The following ALG6 variants were observed in gnomAD, a reference collection of about 807,000 sequenced individuals.
The protein encoded by ALG6 is ALG6 alpha-1,3-glucosyltransferase, also known as dolichyl pyrophosphate Man9GlcNAc2 alpha-1,3-glucosyltransferase.
Under a neutral mutation model 66.6 loss-of-function variants are expected in ALG6, and 46 were observed. The ratio of observed to expected loss-of-function variants is 0.69; its 90% CI spans 0.55 to 0.88. The LOEUF (loss-of-function observed/expected upper bound fraction) is 0.88. ALG6 is among the 40% of genes least tolerant of loss of function. The pLI is 0.00. For missense variants in ALG6, 505 were observed against 586.8 expected, an observed-to-expected ratio of 0.86 and a Z score of 1.44; for synonymous variants, 185 against 203.7, an observed-to-expected ratio of 0.91 and a Z score of 0.78.
At chr1:63,368,241 C>T (rs533743665) in intron 1 of ALG6, among the ~76,000 whole-genome samples, 5 of 152,278 alleles carry the variant, frequency 3.3e-5, no homozygotes, top group African/African-American at 1.2e-4. Context: ...TCGCAAATAA[C>T]CCTTTTTCTG....
chr1:63,380,138 T>G (rs935011521), intron 2 of ALG6, among the ~76,000 whole-genome samples: 1 of 152,142 alleles, frequency 6.6e-6, no homozygotes, highest in Non-Finnish European at 1.5e-5. Context: ...GAGAGTTTGT[T>G]TTTCTAGAAG....
At chr1:63,393,067 A>T (rs890935914) in intron 2 of ALG6, among the ~76,000 whole-genome samples, 7 of 152,208 alleles carry the variant, frequency 4.6e-5, no homozygotes, top group African/African-American at 1.7e-4. Flanking sequence ...ATAGGAAATT[A>T]CTTAAGATTC....
intron 2 of ALG6, among the ~76,000 whole-genome samples, chr1:63,389,996 T>C (rs76065960): frequency 3.9e-5 from 6 of 152,354 alleles, no homozygotes; most frequent in Non-Finnish European, 2.9e-5. Flanking sequence ...AGTACCCGTG[T>C]GGCCATCACA....
At chr1:63,403,034 G>A (rs545782102) in intron 4 of ALG6, among the ~76,000 whole-genome samples, 147 of 135,510 alleles carry the variant, frequency 1.1e-3, no homozygotes, top group African/African-American at 3.9e-3. Flanking sequence ...GGTGGAGGTT[G>A]CAGTGAGCCG....
intron 1 of ALG6, among the ~76,000 whole-genome samples, 168 bp downstream of exon 1, chr1:63,367,855 T>G (rs1647776707): frequency 6.6e-6 from 1 of 151,864 alleles, no homozygotes; most frequent in Non-Finnish European, 1.5e-5. Flanking sequence ...CAGGGTCGCT[T>G]GTGGGTCGGG....
chr1:63,437,020 G>A lies in ALG6; in HGVS notation c.1524G>A (p.Ter508=). 6.2e-7 allele frequency: 1 copy of A among 1,611,544 alleles called. No homozygotes were observed. The highest frequency in any genetic ancestry group is 8.5e-7 in the Non-Finnish European group (1 of 1,178,494). ...GAAGAAATCAGAAGAAAATCAGCTA[G>A]CTGTATTCCTAAACAAATTGTTTCC... ...KSGRNQKKIS[*] The change falls in exon 15 of 15, where the codon TAG becomes TAA. Residue 508 remains the stop codon, a stop_retained_variant. Transcript: ENST00000263440.
At chr1:63,403,458 A>T (rs531095256) in intron 4 of ALG6, among the ~76,000 whole-genome samples, 113 of 152,284 alleles carry the variant, frequency 7.4e-4, no homozygotes, top group African/African-American at 2.7e-3. Context: ...TTTGGTAAAG[A>T]CCCAGTTCTA....
chr1:63,407,219 G>C, intron 7 of ALG6, 93 bp downstream of exon 7: 1 of 885,656 alleles, frequency 1.1e-6, no homozygotes, highest in Non-Finnish European at 1.9e-6. Flanking sequence ...TGTCTTATTT[G>C]ATAGAGTGCT....
rs1267416884 is a variant in ALG6 at position 63,422,273 on chromosome 1, A to ATATATTTATATAGATATAAATATC, written c.1058+2838_1058+2839insTTATATAGATATAAATATCTATAT. 6.2e-3 allele frequency among the ~76,000 whole-genome samples: 344 copies of ATATATTTATATAGATATAAATATC among 55,406 alleles called. 86 individuals carry two copies. Among genetic ancestry groups the ATATATTTATATAGATATAAATATC allele is most frequent in the Non-Finnish European group, 7.3e-3 (249 of 34,124 alleles). 36.3% of individuals were successfully genotyped at this position (55,406 alleles called of 152,430 possible). A position where few individuals can be genotyped will look rare whatever the true frequency, so the allele number is the denominator to read the frequency against. ...TATATATTTATATAGATATAAATAT[A>ATATATTTATATAGATATAAATATC]TATATAAATATATATATTTATATAG... On this transcript the variant is annotated intron_variant, in intron 12 of 14. Transcript: ENST00000263440.
chr1:63,370,703 G>T, intron 1 of ALG6, 68 bp from the exon 2 acceptor site: 3 of 405,616 alleles, frequency 7.4e-6, no homozygotes, highest in Non-Finnish European at 1.3e-5. Context: ...CTTCTACTTG[G>T]TTTACTGGGT....
chr1:63,403,481 A>G (rs1644475408), intron 4 of ALG6, among the ~76,000 whole-genome samples: 1 of 152,212 alleles, frequency 6.6e-6, no homozygotes, highest in Non-Finnish European at 1.5e-5. Flanking sequence ...CTGTAGTGGT[A>G]TTCCATCTTA....
At chr1:63,412,637 T>A (rs1164413528) in intron 9 of ALG6, among the ~76,000 whole-genome samples, 1 of 152,168 alleles carries the variant, frequency 6.6e-6, no homozygotes, top group Non-Finnish European at 1.5e-5. Context: ...TAATTTCTTA[T>A]GAGATATATA....
At chr1:63,368,441 A>C (rs1275312714) in intron 1 of ALG6, among the ~76,000 whole-genome samples, 2 of 152,058 alleles carry the variant, frequency 1.3e-5, no homozygotes, top group African/African-American at 4.8e-5. Context: ...CGACTAAGAC[A>C]GGAGGATCCC....
intron 12 of ALG6, among the ~76,000 whole-genome samples, chr1:63,422,224 T>TCG (rs1644582615): frequency 1.7e-5 from 1 of 57,708 alleles, no homozygotes; most frequent in South Asian, 5.6e-4. Context: ...TATATTTATA[T>TCG]AAATATAAAT....
At chr1:63,424,935 C>T (rs982463731) in intron 12 of ALG6, among the ~76,000 whole-genome samples, 1 of 151,950 alleles carries the variant, frequency 6.6e-6, no homozygotes, top group Non-Finnish European at 1.5e-5. Context: ...CCCGCCACAA[C>T]AGCTGGCTAA....
In ALG6 at chr1:63,400,243, ACG is replaced by A. The variant is rs1351999788; in HGVS notation, c.168-2010_168-2009del. Among the ~76,000 whole-genome samples, 112 of 12,142 alleles carry A rather than the reference ACG, an allele frequency of 9.2e-3. 8 individuals are homozygous for A. Among genetic ancestry groups the A allele is most frequent in the African/African-American group, 0.027 (47 of 1,726 alleles). 8.0% of individuals were successfully genotyped at this position (12,142 alleles called of 152,430 possible). A position where few individuals can be genotyped will look rare whatever the true frequency, so the allele number is the denominator to read the frequency against. ...TATACGTATATATATATATATATAT[ACG>A]TATATATATGTATATATATATACGT... On this transcript the variant is annotated intron_variant, in intron 3 of 14. Coordinates refer to ENST00000263440, the MANE Select transcript of ALG6 (RefSeq NM_013339.4).
chr1:63,422,058 T>C (rs1398902427), intron 12 of ALG6, among the ~76,000 whole-genome samples: 1 of 139,300 alleles, frequency 7.2e-6, no homozygotes, highest in East Asian at 2.0e-4. Context: ...TATATAAATA[T>C]CTATTTATAT....
intron 1 of ALG6, among the ~76,000 whole-genome samples, chr1:63,368,040 T>C (rs1415254607): frequency 6.6e-6 from 1 of 152,078 alleles, no homozygotes; most frequent in Non-Finnish European, 1.5e-5. Flanking sequence ...TTGTGTCCAC[T>C]GCGGTGGAAG....
chr1:63,375,337 T>C (rs930226272), intron 2 of ALG6, among the ~76,000 whole-genome samples: 1 of 149,570 alleles, frequency 6.7e-6, no homozygotes, highest in Non-Finnish European at 1.5e-5. Flanking sequence ...ATCCGTTTCC[T>C]GGGTTCAAGC....
Sources: allele counts gnomAD v4.1 joint callset (sites outside exome capture counted in the v4.1 genomes callset), GRCh38; gene constraint gnomAD v4.1.1; transcripts MANE v1.5; gene names NCBI Gene and HGNC (gene_info 2026-07-23, HGNC 2026-07-21).